CACNA2D1: variants seen among roughly 807,000 people sequenced by gnomAD.
CACNA2D1 encodes calcium voltage-gated channel auxiliary subunit alpha2delta 1.
Under a neutral mutation model 171.5 loss-of-function variants are expected in CACNA2D1, and 53 were observed. That is an observed-to-expected ratio of 0.31 (90% CI 0.25 to 0.39). The LOEUF is 0.39. CACNA2D1 is among the 10% of genes least tolerant of loss of function. CACNA2D1 has a pLI of 1.00. For missense variants in CACNA2D1, 903 were observed against 1,299.8 expected (o/e 0.69, Z 4.69); for synonymous variants, 442 against 443.1 (o/e 1.00, Z 0.03).
chr7:82,419,619 A>G (rs1334878195), intron 1 of CACNA2D1, among the ~76,000 whole-genome samples: 2 of 152,262 alleles, frequency 1.3e-5, no homozygotes, highest in African/African-American at 4.8e-5. Flanking sequence ...TTAACAGCTT[A>G]ATTTAGAAAA....
intron 1 of CACNA2D1, among the ~76,000 whole-genome samples, chr7:82,367,640 T>C (rs899970199): frequency 6.6e-6 from 1 of 152,178 alleles, no homozygotes; most frequent in African/African-American, 2.4e-5. Flanking sequence ...AAAGCACTTA[T>C]CTTTGCACTG....
chr7:82,028,927 T>G (rs1037141052), intron 12 of CACNA2D1: 1 of 151,884 alleles, frequency 6.6e-6, no homozygotes, highest in Non-Finnish European at 1.5e-5. Flanking sequence ...CCAAAGGATA[T>G]AGAATATTAG....
chr7:82,150,142 C>G (rs189046021), intron 4 of CACNA2D1, among the ~76,000 whole-genome samples: 4 of 151,688 alleles, frequency 2.6e-5, no homozygotes, highest in Non-Finnish European at 4.4e-5. Context: ...TGTGGCTTCC[C>G]GAGGCTTTGG....
intron 1 of CACNA2D1, among the ~76,000 whole-genome samples, chr7:82,399,434 C>T (rs1826105011): frequency 6.8e-6 from 1 of 148,098 alleles, no homozygotes; most frequent in Non-Finnish European, 1.5e-5. Flanking sequence ...AGCAAGACTC[C>T]ATCTCAAAAA....
At chr7:82,092,033 GCA>G (rs1201036442) in intron 6 of CACNA2D1, among the ~76,000 whole-genome samples, 1 of 152,120 alleles carries the variant, frequency 6.6e-6, no homozygotes, top group Admixed American at 6.5e-5. Context: ...ACTGTACGGT[GCA>G]CATCTCCCTA....
intron 3 of CACNA2D1, among the ~76,000 whole-genome samples, chr7:82,256,925 T>C (rs1806376329): frequency 6.6e-6 from 1 of 152,182 alleles, no homozygotes; most frequent in South Asian, 2.1e-4. Context: ...AAATAATATA[T>C]ACTATAGTGA....
chr7:82,370,496 A>T (rs1353436961), intron 1 of CACNA2D1, among the ~76,000 whole-genome samples: 1 of 151,424 alleles, frequency 6.6e-6, no homozygotes, highest in East Asian at 1.9e-4. Flanking sequence ...TACAAATCAG[A>T]TAAACAAAAT....
chr7:82,436,301 CT>C (rs1222234999), intron 1 of CACNA2D1, among the ~76,000 whole-genome samples: 1 of 152,078 alleles, frequency 6.6e-6, no homozygotes, highest in East Asian at 1.9e-4. Flanking sequence ...TAGAAGGCTG[CT>C]TACCTGCAAG....
At chr7:82,129,376 C>G (rs1410077895) in intron 5 of CACNA2D1, among the ~76,000 whole-genome samples, 1 of 152,160 alleles carries the variant, frequency 6.6e-6, no homozygotes, top group African/African-American at 2.4e-5. Flanking sequence ...GACTTGATCT[C>G]TGGGAAGACA....
intron 1 of CACNA2D1, among the ~76,000 whole-genome samples, chr7:82,431,721 G>T (rs1318695576): frequency 6.6e-6 from 1 of 151,994 alleles, no homozygotes; most frequent in African/African-American, 2.4e-5. Flanking sequence ...TTATCTCCGA[G>T]GATTGCCTTG....
chr7:82,384,653 G>GA (rs1299720679), intron 1 of CACNA2D1, among the ~76,000 whole-genome samples: 1 of 149,846 alleles, frequency 6.7e-6, no homozygotes, highest in Non-Finnish European at 1.5e-5. Context: ...GAGGAAAAAA[G>GA]AAAAAACTTT....
At chr7:82,120,276 C>T (rs7805208) in intron 5 of CACNA2D1, among the ~76,000 whole-genome samples, 49,842 of 151,906 alleles carry the variant, frequency 0.33, 8,821 homozygotes, top group African/African-American at 0.47. Context: ...TATGTATGTA[C>T]GTATATTTTC....
At chr7:82,131,916 G>C (rs180788055) in intron 5 of CACNA2D1, among the ~76,000 whole-genome samples, 1 of 152,068 alleles carries the variant, frequency 6.6e-6, no homozygotes, top group African/African-American at 2.4e-5. Flanking sequence ...AATCCACCCT[G>C]TACTGCAAAA....
intron 4 of CACNA2D1, among the ~76,000 whole-genome samples, chr7:82,161,337 T>C (rs994667724): frequency 1.3e-5 from 2 of 152,070 alleles, no homozygotes; most frequent in Non-Finnish European, 2.9e-5. Flanking sequence ...GGGTAGCATG[T>C]ACTGAACCTC....
At chr7:82,246,246 T>C (rs989398025) in intron 3 of CACNA2D1, among the ~76,000 whole-genome samples, 1 of 151,112 alleles carries the variant, frequency 6.6e-6, no homozygotes, top group African/African-American at 2.4e-5. Flanking sequence ...TATATCTTTA[T>C]ATATTTATGC....
intron 3 of CACNA2D1, among the ~76,000 whole-genome samples, chr7:82,178,825 A>G (rs931914414): frequency 1.3e-5 from 2 of 151,986 alleles, no homozygotes; most frequent in Admixed American, 6.6e-5. Flanking sequence ...TAAATCACTA[A>G]ATGTGCGTTC....
chr7:82,166,022 AGT>A (rs1360167016), intron 4 of CACNA2D1, among the ~76,000 whole-genome samples: 3 of 152,170 alleles, frequency 2.0e-5, no homozygotes, highest in Admixed American at 2.0e-4. Context: ...AAACAAATAC[AGT>A]GTGTTTTCCC....
intron 4 of CACNA2D1, among the ~76,000 whole-genome samples, chr7:82,164,859 C>G (rs982410561): frequency 6.6e-6 from 1 of 151,864 alleles, no homozygotes; most frequent in Non-Finnish European, 1.5e-5. Flanking sequence ...ATACAGTACA[C>G]TCCCATTTTA....
chr7:82,316,823 A>G (rs1815185241), intron 3 of CACNA2D1, among the ~76,000 whole-genome samples: 1 of 152,142 alleles, frequency 6.6e-6, no homozygotes, highest in Non-Finnish European at 1.5e-5. Flanking sequence ...CCATTTATAA[A>G]ACCATCAGAT....
Sources: gnomAD v4.1 joint callset for allele counts (sites outside exome capture counted in the v4.1 genomes callset) on GRCh38, gnomAD v4.1.1 for gene constraint, MANE v1.5 for transcripts, NCBI Gene and HGNC (gene_info 2026-07-23, HGNC 2026-07-21) for gene names.